The following NEK6 variants were observed in gnomAD, a reference collection of about 807,000 sequenced individuals.
NEK6 encodes the protein serine/threonine-protein kinase Nek6.
A neutral mutation model predicts 43.5 loss-of-function variants in NEK6; 27 were observed. That is an observed-to-expected ratio of 0.62 (90% CI 0.46 to 0.86). The LOEUF (loss-of-function observed/expected upper bound fraction) is 0.86, where lower values mean the gene tolerates loss of function less well. NEK6 is among the 40% of genes least tolerant of loss of function. The pLI is 0.00. For synonymous variants in NEK6, 167 were observed against 164.1 expected (o/e 1.02, Z -0.14); for missense variants, 318 against 414.4 (o/e 0.77, Z 2.02).
chr9:124,316,521 A>G (rs1833825132), intron 4 of NEK6, among the ~76,000 whole-genome samples: 1 of 151,938 alleles, frequency 6.6e-6, no homozygotes, highest in African/African-American at 2.4e-5. Flanking sequence ...GCCCAACCAC[A>G]TTGCGTCTTT....
rs904758112 is a variant in NEK6 at position 124,351,444 on chromosome 9, A to ATTTTT, written c.*500_*504dup. On this transcript the variant is annotated 3_prime_UTR_variant, in exon 10 of 10. Transcript: ENST00000320246. ...GTTGTAAAGGGATAAAGTGGAAATC[A>ATTTTT]TTTTTTTCCGTGGAGTGGTGATTCT... 2 of 152,376 alleles carry ATTTTT rather than the reference A, an allele frequency of 1.3e-5. No individual in the cohort carries two copies. The highest frequency in any genetic ancestry group is 4.8e-5 in the African/African-American group (2 of 41,412). The allele number at this position is 152,376 out of a possible 1,614,324, so 9.4% of individuals were successfully genotyped here.
At chr9:124,269,580 T>G (rs1024685802) in intron 1 of NEK6, among the ~76,000 whole-genome samples, 3 of 152,078 alleles carry the variant, frequency 2.0e-5, no homozygotes, top group African/African-American at 4.8e-5. Flanking sequence ...TTTCACCATG[T>G]TGGCCAGGCT....
chr9:124,292,198 G>A (rs957155937), intron 1 of NEK6: 20 of 1,266,364 alleles, frequency 1.6e-5, no homozygotes, highest in Non-Finnish European at 1.9e-5. Flanking sequence ...GGAGCTCCAG[G>A]GACCTTGACC....
intron 7 of NEK6, among the ~76,000 whole-genome samples, chr9:124,338,339 G>A (rs998946004): frequency 6.6e-6 from 1 of 152,222 alleles, no homozygotes; most frequent in Non-Finnish European, 1.5e-5. Flanking sequence ...CACTTCATGT[G>A]CTTCTTGGCC....
chr9:124,323,294 C>G (rs755315641), intron 5 of NEK6, among the ~76,000 whole-genome samples: 1 of 152,162 alleles, frequency 6.6e-6, no homozygotes, highest in East Asian at 1.9e-4. Flanking sequence ...GAAGCAGAAA[C>G]GGTCCCACAG....
intron 1 of NEK6, among the ~76,000 whole-genome samples, chr9:124,264,141 GC>G (rs529736981): frequency 1.3e-5 from 2 of 152,136 alleles, no homozygotes; most frequent in Non-Finnish European, 2.9e-5. Flanking sequence ...TTATGCCCCC[GC>G]CCCCCAAAGC....
rs769243779 is a variant in NEK6, at chr9:124,312,521, A to G, written c.103A>G (p.Thr35Ala). Residue 35 changes from threonine to alanine, a missense_variant, in exon 3 of 10, where the codon ACG becomes GCG. By Grantham distance (58) the Thr-to-Ala change is moderately conservative. Transcript: ENST00000320246. ...TCCCCCGTTCCAGAGGCATCCCAAC[A>G]CGCTGTCTTTTCGCTGCTCGCTGGC... ...HPPDPQRHPN[T>A]LSFRCSLADF... 6.2e-7 allele frequency: 1 copy of G among 1,613,970 alleles called. No individual in the cohort carries two copies. The highest frequency in any genetic ancestry group is 8.5e-7 in the Non-Finnish European group (1 of 1,179,924).
intron 1 of NEK6, among the ~76,000 whole-genome samples, chr9:124,276,685 A>G (rs1448034565): frequency 6.6e-6 from 1 of 152,230 alleles, no homozygotes; most frequent in Non-Finnish European, 1.5e-5. Context: ...ATATGTAAAT[A>G]TTAGCTATTA....
chr9:124,272,447 G>A (rs1225519969), intron 1 of NEK6, among the ~76,000 whole-genome samples: 2 of 152,238 alleles, frequency 1.3e-5, no homozygotes, highest in African/African-American at 2.4e-5. Flanking sequence ...CTGGGACAGC[G>A]TGGTGGCCCA....
intron 1 of NEK6, chr9:124,261,663 A>G: frequency 1.2e-6 from 1 of 849,104 alleles, no homozygotes; most frequent in East Asian, 1.2e-4. Flanking sequence ...CACGGCTTCT[A>G]CTACATGTGC....
At chr9:124,344,509 G>A (rs1829814586) in intron 8 of NEK6, among the ~76,000 whole-genome samples, 1 of 152,236 alleles carries the variant, frequency 6.6e-6, no homozygotes, top group Admixed American at 6.5e-5. Context: ...GTGCTGGCCC[G>A]AACATGGAGT....
intron 1 of NEK6, among the ~76,000 whole-genome samples, chr9:124,288,591 C>T (rs1454200854): frequency 6.6e-6 from 1 of 152,266 alleles, no homozygotes; most frequent in East Asian, 1.9e-4. Flanking sequence ...GCCCAGTACC[C>T]ACATTTATTA....
intron 4 of NEK6, among the ~76,000 whole-genome samples, chr9:124,316,954 G>C (rs1833845484): frequency 6.6e-6 from 1 of 152,188 alleles, no homozygotes; most frequent in Non-Finnish European, 1.5e-5. Flanking sequence ...GGCAGTTTTT[G>C]GGGAGTCCTC....
At chr9:124,346,992 C>G (rs962626817) in intron 8 of NEK6, among the ~76,000 whole-genome samples, 3 of 152,224 alleles carry the variant, frequency 2.0e-5, no homozygotes, top group Non-Finnish European at 4.4e-5. Flanking sequence ...AAACTGAAGT[C>G]CAGAGACACA....
intron 1 of NEK6, among the ~76,000 whole-genome samples, chr9:124,273,943 A>C (rs376365489): frequency 6.6e-6 from 1 of 152,048 alleles, no homozygotes; most frequent in Non-Finnish European, 1.5e-5. Context: ...CCTTCCCCAC[A>C]TGGCCCCCCC....
intron 4 of NEK6, among the ~76,000 whole-genome samples, chr9:124,317,375 G>A (rs889402640): frequency 6.6e-6 from 1 of 152,080 alleles, no homozygotes; most frequent in Non-Finnish European, 1.5e-5. Flanking sequence ...CACCACACCC[G>A]GCTAATTTTT....
chr9:124,312,792 C>CAGGT, intron 3 of NEK6, 143 bp downstream of exon 3: 1 of 820,364 alleles, frequency 1.2e-6, no homozygotes, highest in East Asian at 2.7e-5. Context: ...CAGAGAGAAC[C>CAGGT]AGGTGGACTC....
intron 2 of NEK6, among the ~76,000 whole-genome samples, chr9:124,303,980 G>A (rs779285464): frequency 5.3e-5 from 8 of 152,202 alleles, no homozygotes; most frequent in African/African-American, 7.2e-5. Context: ...CAGTGGCAGC[G>A]TTCACGACGT....
chr9:124,285,325 T>C (rs918688209), intron 1 of NEK6, among the ~76,000 whole-genome samples: 1 of 152,082 alleles, frequency 6.6e-6, no homozygotes, highest in Non-Finnish European at 1.5e-5. Context: ...TGGCTATGAA[T>C]AGATGTTTTT....
Sources: gnomAD v4.1 joint callset for allele counts (sites outside exome capture counted in the v4.1 genomes callset) on GRCh38, gnomAD v4.1.1 for gene constraint, MANE v1.5 for transcripts, NCBI Gene and HGNC (gene_info 2026-07-23, HGNC 2026-07-21) for gene names.